Variants in NWD2 observed in about 807,000 individuals in gnomAD.
NWD2 encodes the protein NACHT and WD repeat domain containing 2.
In NWD2, 37 loss-of-function variants were observed where a neutral mutation model predicts 132.7. The observed-to-expected ratio is 0.28, with a 90% CI of 0.21 to 0.37. The LOEUF (loss-of-function observed/expected upper bound fraction) is 0.37. NWD2 is among the 10% of genes least tolerant of loss of function. NWD2 has a pLI of 1.00. For missense variants in NWD2, 1,592 were observed against 2,122.4 expected, an observed-to-expected ratio of 0.75 and a Z score of 4.91; for synonymous variants, 705 against 803.0, an observed-to-expected ratio of 0.88 and a Z score of 2.06.
intron 1 of NWD2, among the ~76,000 whole-genome samples, chr4:37,315,796 T>C (rs1353652459): frequency 6.6e-6 from 1 of 152,062 alleles, no homozygotes; most frequent in East Asian, 1.9e-4. Context: ...TAAATAGATA[T>C]TTTAGTATAT....
intron 3 of NWD2, among the ~76,000 whole-genome samples, chr4:37,390,432 AT>A (rs1720661222): frequency 6.6e-6 from 1 of 151,212 alleles, no homozygotes; most frequent in Admixed American, 6.6e-5. Flanking sequence ...ACAGTGAGTT[AT>A]TTTTAAAATA....
intron 2 of NWD2, among the ~76,000 whole-genome samples, chr4:37,348,003 T>C (rs1468843538): frequency 2.0e-5 from 3 of 152,218 alleles, no homozygotes; most frequent in Admixed American, 1.3e-4. Context: ...TTCAGTATGT[T>C]GTAACAATTA....
At chr4:37,417,329 C>T (rs1711647801) in intron 3 of NWD2, among the ~76,000 whole-genome samples, 1 of 151,328 alleles carries the variant, frequency 6.6e-6, no homozygotes, top group South Asian at 2.1e-4. Flanking sequence ...TGGATTTAAA[C>T]TTACTGACAT....
In NWD2 at chr4:37,444,343, C is replaced by A; in HGVS notation, c.2355C>A (p.Cys785Ter). ...FCLEDPYLNGCLDLENRSLLE... is the reference protein window; with the variant it reads ...FCLEDPYLNG ...TTGAGGACCCCTACTTGAATGGCTGCCTTGACTTGGAGAACAGAAGTTTGC... is the reference window on the plus strand; with the variant it reads ...TTGAGGACCCCTACTTGAATGGCTGACTTGACTTGGAGAACAGAAGTTTGC... The change falls in exon 7 of 7, where the codon TGC (cysteine) becomes TGA (stop). Residue 785 changes from cysteine to a stop codon, truncating the protein, a stop_gained. Transcript: ENST00000309447. LOFTEE classifies it high-confidence loss of function. The surrounding 1 kb of genome is among the most constrained non-coding windows in gnomAD (Gnocchi z 4.8). 1 of 1,551,880 alleles carries A rather than the reference C, an allele frequency of 6.4e-7. No homozygotes were observed. The highest frequency in any genetic ancestry group is 8.7e-7 in the Non-Finnish European group (1 of 1,147,040).
intron 2 of NWD2, among the ~76,000 whole-genome samples, chr4:37,345,973 C>G (rs569725150): frequency 1.3e-5 from 2 of 151,462 alleles, no homozygotes; most frequent in South Asian, 4.2e-4. Flanking sequence ...CCTAGCTACT[C>G]AGGAGGCTGA....
intron 3 of NWD2, among the ~76,000 whole-genome samples, chr4:37,380,521 A>T (rs528865303): frequency 6.6e-6 from 1 of 152,236 alleles, no homozygotes; most frequent in Non-Finnish European, 1.5e-5. Flanking sequence ...AAGATCAAAT[A>T]GGATATTGTG....
intron 2 of NWD2, among the ~76,000 whole-genome samples, chr4:37,336,591 C>T (rs77110973): frequency 0.025 from 3,743 of 152,246 alleles, 161 homozygotes; most frequent in African/African-American, 0.085. Flanking sequence ...AATGGAAATT[C>T]ACTTGTATGT....
intron 3 of NWD2, among the ~76,000 whole-genome samples, chr4:37,416,428 G>T (rs1000894406): frequency 1.3e-5 from 2 of 151,812 alleles, no homozygotes; most frequent in Admixed American, 6.6e-5. Flanking sequence ...TTTAAGAATG[G>T]CCATAATCAA....
intron 3 of NWD2, among the ~76,000 whole-genome samples, chr4:37,373,179 T>C (rs547369091): frequency 1.4e-4 from 21 of 152,248 alleles, no homozygotes; most frequent in Non-Finnish European, 2.6e-4. Flanking sequence ...TAGGTGCTAA[T>C]ATTAGTCCCA....
At chr4:37,307,385 A>G (rs945082819) in intron 1 of NWD2, among the ~76,000 whole-genome samples, 2 of 152,046 alleles carry the variant, frequency 1.3e-5, no homozygotes, top group African/African-American at 4.8e-5. Context: ...TCTGAAGGAT[A>G]AGTTTGTTGG....
rs1718602092 is a variant in NWD2 at position 37,301,005 on chromosome 4, T to C, written c.152-24931T>C. Among the ~76,000 whole-genome samples, 3 of 152,160 alleles carry C rather than the reference T, an allele frequency of 2.0e-5. No homozygotes were observed. The South Asian group carries it at 6.2e-4, about 31-fold the overall frequency. ...CACACATTGCATTTGAGATAATTTT[T>C]CTTCTACCTTCTAAAGGAAGAGTGC... On this transcript the variant is annotated intron_variant, in intron 1 of 6. Coordinates refer to ENST00000309447, the MANE Select transcript of NWD2 (RefSeq NM_001144990.2).
At chr4:37,409,508 G>A (rs998817555) in intron 3 of NWD2, among the ~76,000 whole-genome samples, 1 of 152,102 alleles carries the variant, frequency 6.6e-6, no homozygotes, top group Non-Finnish European at 1.5e-5. Flanking sequence ...ATGGGAGTAT[G>A]TGGAAAGACC....
chr4:37,312,966 C>T (rs1718880515), intron 1 of NWD2, among the ~76,000 whole-genome samples: 1 of 151,064 alleles, frequency 6.6e-6, no homozygotes. Flanking sequence ...CCTTGCATCC[C>T]AGGGATGAAG....
intron 2 of NWD2, among the ~76,000 whole-genome samples, chr4:37,336,971 A>AC (rs1553894060): frequency 6.0e-5 from 9 of 150,450 alleles, no homozygotes; most frequent in Non-Finnish European, 4.4e-5. Flanking sequence ...AAAAAAAAAA[A>AC]CAAGAAATTG....
At chr4:37,431,372 A>T (rs531615418) in intron 4 of NWD2, among the ~76,000 whole-genome samples, 1 of 152,352 alleles carries the variant, frequency 6.6e-6, no homozygotes, top group African/African-American at 2.4e-5. Context: ...ATTTACAGCA[A>T]CATGGATGAA....
intron 1 of NWD2, among the ~76,000 whole-genome samples, chr4:37,250,184 A>G (rs1049172607): frequency 1.3e-5 from 2 of 151,846 alleles, no homozygotes; most frequent in Admixed American, 6.6e-5. Context: ...ACACACACAC[A>G]CAGCCATTTG....
At chr4:37,389,954 A>G (rs1720647268) in intron 3 of NWD2, among the ~76,000 whole-genome samples, 1 of 151,900 alleles carries the variant, frequency 6.6e-6, no homozygotes, top group African/African-American at 2.4e-5. Context: ...TAATTTTTGT[A>G]TTTCTGGTAG....
At chr4:37,285,020 A>G (rs1416881383) in intron 1 of NWD2, among the ~76,000 whole-genome samples, 2 of 152,124 alleles carry the variant, frequency 1.3e-5, no homozygotes, top group African/African-American at 4.8e-5. Flanking sequence ...GTGTAAGTAC[A>G]GGTAGGGATG....
At chr4:37,331,544 TC>T (rs1719292178) in intron 2 of NWD2, among the ~76,000 whole-genome samples, 1 of 151,132 alleles carries the variant, frequency 6.6e-6, no homozygotes, top group Non-Finnish European at 1.5e-5. Context: ...ACCACCAGAA[TC>T]ATCACCCTAC....
Sources: gnomAD v4.1 joint callset for allele counts (sites outside exome capture counted in the v4.1 genomes callset) on GRCh38, gnomAD v4.1.1 for gene constraint, Gnocchi (gnomAD v3.1) non-coding constraint, MANE v1.5 for transcripts, NCBI Gene and HGNC (gene_info 2026-07-23, HGNC 2026-07-21) for gene names.